LCE2C: variants seen among roughly 807,000 people sequenced by gnomAD.
LCE2C encodes the protein late cornified envelope 2C.
For synonymous variants in LCE2C, 57 were observed against 51.0 expected, an observed-to-expected ratio of 1.12 and a Z score of -0.50; for missense variants, 179 against 141.3, an observed-to-expected ratio of 1.27 and a Z score of -1.35.
rs199844975 is a variant in LCE2C at position 152,676,051 on chromosome 1, C to T, written c.36C>T (p.Pro12=). The T allele has an allele frequency of 5.1e-5, 82 of 1,614,030 alleles. No individual in the cohort carries two copies. The highest frequency in any genetic ancestry group is 1.3e-5 in the African/African-American group (1 of 74,908). The part of the protein sequence containing the change: ...SCQQNQQQCQ[P]PPKCPPKCTP... ...AGCAAAACCAGCAGCAGTGCCAGCC[C>T]CCTCCCAAGTGTCCTCCCAAGTGTA... Residue 12 remains proline, a synonymous_variant, in exon 2 of 2, where the codon CCC becomes CCT. Transcript: ENST00000368783.
rs2101501978 is a variant in LCE2C, at chr1:152,676,374, A to G, written c.*26A>G. Reference sequence around the variant, plus strand: ...CCTGGGCTACAGAAGAGCTCTTGGGACTGAATGGCCAAGAACCTGCTACGG... The same window carrying G: ...CCTGGGCTACAGAAGAGCTCTTGGGGCTGAATGGCCAAGAACCTGCTACGG... On this transcript the variant is annotated 3_prime_UTR_variant, in exon 2 of 2. Transcript: ENST00000368783. 4 of 1,580,274 alleles carry G rather than the reference A, an allele frequency of 2.5e-6. No homozygotes were observed. The East Asian group carries it at 9.0e-5, about 35-fold the overall frequency.
chr1:152,676,200 G>T lies in LCE2C; in HGVS notation c.185G>T (p.Gly62Val), dbSNP rs751116339. ...AGCTGCTGTGGTCCCAGCTCTGGGGGCTGCTGCAGCTCTGGGGCTGGTGGC... is the reference window on the plus strand; with the variant it reads ...AGCTGCTGTGGTCCCAGCTCTGGGGTCTGCTGCAGCTCTGGGGCTGGTGGC... ...SGSCCGPSSGGCCSSGAGGCS... is the reference protein window; with the variant it reads ...SGSCCGPSSGVCCSSGAGGCS... The change falls in exon 2 of 2, where the codon GGC (glycine) becomes GTC (valine). Residue 62 changes from glycine to valine, a missense_variant. Physicochemically the swap from Gly to Val is moderately radical, Grantham distance 109. Coordinates refer to ENST00000368783, the MANE Select transcript of LCE2C (RefSeq NM_178429.5). 2 of 1,613,946 alleles carry T rather than the reference G, an allele frequency of 1.2e-6. No homozygotes were observed. Among genetic ancestry groups the T allele is most frequent in the Non-Finnish European group, 1.7e-6 (2 of 1,180,018 alleles).
At chr1:152,675,623 G>A (rs988683977) in intron 1 of LCE2C, among the ~76,000 whole-genome samples, 8 of 152,178 alleles carry the variant, frequency 5.3e-5, no homozygotes, top group African/African-American at 1.7e-4. Flanking sequence ...TTCAAGCCAG[G>A]CTCTTTTATC....
intron 1 of LCE2C, 131 bp from the exon 2 acceptor site, chr1:152,675,863 GT>G: frequency 9.1e-7 from 1 of 1,102,436 alleles, no homozygotes; most frequent in Middle Eastern, 2.5e-4. Context: ...GATTCAAGTT[GT>G]TTCTTTCAGG....
At position 152,676,304 on chromosome 1, in the gene LCE2C, T is replaced by C; in HGVS notation, c.289T>C (p.Ser97Pro). 1 of 1,613,176 alleles carries C rather than the reference T, an allele frequency of 6.2e-7. No homozygotes were observed. The highest frequency in any genetic ancestry group is 1.1e-5 in the South Asian group (1 of 90,980). ...CCCCGACTGCTGTGAGAGTGAACCT[T>C]CTGGGGGCTCTGGCTGCTGCCACAG... ...QSPDCCESEP[S>P]GGSGCCHSSG... is the part of the protein sequence containing the mutation. Residue 97 changes from serine to proline, a missense_variant, in exon 2 of 2, where the codon TCT becomes CCT. By Grantham distance (74) the Ser-to-Pro change is moderately conservative. Coordinates refer to ENST00000368783, the MANE Select transcript of LCE2C (RefSeq NM_178429.5).
At position 152,676,135 on chromosome 1, in the gene LCE2C, T is replaced by C. The variant is rs756272262; in HGVS notation, c.120T>C (p.Cys40=). 8 of 1,614,182 alleles carry C rather than the reference T, an allele frequency of 5.0e-6. No homozygotes were observed. In the East Asian group the frequency reaches 8.9e-5, roughly 18 times the overall value. The change falls in exon 2 of 2, where the codon TGT becomes TGC. Residue 40 remains cysteine (C), a synonymous_variant. Coordinates refer to ENST00000368783, the MANE Select transcript of LCE2C (RefSeq NM_178429.5). ...PKCPPQCPAP[C]FPAVSSCCGP... Reference sequence around the variant, plus strand: ...GCCCACCACAGTGCCCAGCTCCATGTTTCCCTGCAGTCTCTTCTTGCTGTG... The same window carrying C: ...GCCCACCACAGTGCCCAGCTCCATGCTTCCCTGCAGTCTCTTCTTGCTGTG...
In LCE2C at chr1:152,676,321, C is replaced by T; in HGVS notation, c.306C>T (p.Cys102=). ...GTGAACCTTCTGGGGGCTCTGGCTG[C>T]TGCCACAGCTCTGGGGGCTGCTGCT... ...CESEPSGGSG[C]CHSSGGCC Residue 102 remains cysteine (C), a synonymous_variant, in exon 2 of 2, where the codon TGC becomes TGT. Coordinates refer to ENST00000368783, the MANE Select transcript of LCE2C (RefSeq NM_178429.5). 1 of 1,612,286 alleles carries T rather than the reference C, an allele frequency of 6.2e-7. No individual in the cohort carries two copies. The highest frequency in any genetic ancestry group is 1.1e-5 in the South Asian group (1 of 90,778).
At position 152,676,498 on chromosome 1, in the gene LCE2C, G is replaced by A. The variant is rs977732934; in HGVS notation, c.*150G>A. ...TTCCTGGAAGAACTTCGTGCTTGAT[G>A]TAACACCCCAATTGCAAGTCTTCTT... On this transcript the variant is annotated 3_prime_UTR_variant, in exon 2 of 2. Transcript: ENST00000368783. 9 of 1,055,974 alleles carry A rather than the reference G, an allele frequency of 8.5e-6. No homozygotes were observed. Among genetic ancestry groups the A allele is most frequent in the Non-Finnish European group, 1.2e-5 (9 of 740,806 alleles). The allele number at this position is 1,055,974 out of a possible 1,614,324, so 65.4% of individuals were successfully genotyped here.
chr1:152,675,891 A>G, intron 1 of LCE2C, 104 bp from the exon 2 acceptor site: 2 of 1,301,226 alleles, frequency 1.5e-6, no homozygotes, highest in African/African-American at 1.5e-5. Flanking sequence ...ATGTGATTGT[A>G]TTATCTAAAT....
Position 152,676,273 on chromosome 1 carries a change from C to A in LCE2C, c.258C>A (p.His86Gln), listed in dbSNP as rs762372565. 2 of 1,613,918 alleles carry A rather than the reference C, an allele frequency of 1.2e-6. No individual in the cohort carries two copies. The highest frequency in any genetic ancestry group is 1.7e-6 in the Non-Finnish European group (2 of 1,179,978). ...HRPRLFHRRRHQSPDCCESEP... is the reference protein window; with the variant it reads ...HRPRLFHRRRQQSPDCCESEP... ...CCCGTCTCTTCCACCGGCGCCGGCA[C>A]CAGAGCCCCGACTGCTGTGAGAGTG... The change falls in exon 2 of 2, where the codon CAC becomes CAA. Residue 86 changes from histidine (H) to glutamine (Q), a missense_variant. His to Gln is a conservative substitution (Grantham distance 24). Coordinates refer to ENST00000368783, the MANE Select transcript of LCE2C (RefSeq NM_178429.5).
rs373855134 is a variant in LCE2C, at chr1:152,676,122, GC to G, written c.110del (p.Pro37GlnfsTer37). On this transcript the variant is annotated frameshift_variant, in exon 2 of 2. Transcript: ENST00000368783. LOFTEE classifies it low-confidence loss of function (END_TRUNC). The part of the protein sequence containing the change: ...PKCPPKCPPQ[C>X]PAPCFPAVSS... ...TGTCCCCCCAAATGCCCACCACAGT[GC>G]CCAGCTCCATGTTTCCCTGCAGTCT... 28 of 1,613,980 alleles carry G rather than the reference GC, an allele frequency of 1.7e-5. No individual in the cohort carries two copies. In the African/African-American group the frequency reaches 2.3e-4, roughly 13 times the overall value.
In LCE2C at chr1:152,676,143, C is replaced by A. The variant is rs142388668; in HGVS notation, c.128C>A (p.Ala43Glu). The change falls in exon 2 of 2, where the codon GCA becomes GAA. Residue 43 changes from alanine to glutamate, a missense_variant. Physicochemically the swap from Ala to Glu is moderately radical, Grantham distance 107. Transcript: ENST00000368783. The part of the protein sequence containing the change: ...PPQCPAPCFP[A>E]VSSCCGPSSG... ...CAGTGCCCAGCTCCATGTTTCCCTGCAGTCTCTTCTTGCTGTGGTCCCAGC... is the reference window on the plus strand; with the variant it reads ...CAGTGCCCAGCTCCATGTTTCCCTGAAGTCTCTTCTTGCTGTGGTCCCAGC... 50 of 1,614,222 alleles carry A rather than the reference C, an allele frequency of 3.1e-5. No individual in the cohort carries two copies. The African/African-American group carries it at 5.5e-4, about 18-fold the overall frequency.
rs748071194 is a variant in LCE2C at position 152,676,266 on chromosome 1, G to A, written c.251G>A (p.Arg84His). ...CACAGGCCCCGTCTCTTCCACCGGC[G>A]CCGGCACCAGAGCCCCGACTGCTGT... ...SHHRPRLFHR[R>H]RHQSPDCCES... Residue 84 changes from arginine to histidine, a missense_variant, in exon 2 of 2, where the codon CGC (arginine) becomes CAC (histidine). Arg to His is a conservative substitution (Grantham distance 29). Coordinates refer to ENST00000368783, the MANE Select transcript of LCE2C (RefSeq NM_178429.5). 1.2e-5 allele frequency: 20 copies of A among 1,613,668 alleles called. No homozygotes were observed. In the East Asian group the frequency reaches 2.0e-4, roughly 16 times the overall value.
rs1451555852 is a variant in LCE2C at position 152,676,076 on chromosome 1, A to G, written c.61A>G (p.Thr21Ala). Reference sequence around the variant, plus strand: ...CCCTCCCAAGTGTCCTCCCAAGTGTACCCCAAAATGTCCACCTAAGTGTCC... The same window carrying G: ...CCCTCCCAAGTGTCCTCCCAAGTGTGCCCCAAAATGTCCACCTAAGTGTCC... ...QPPPKCPPKC[T>A]PKCPPKCPPK... The change falls in exon 2 of 2, where the codon ACC becomes GCC. Residue 21 changes from threonine (T) to alanine (A), a missense_variant. By Grantham distance (58) the Thr-to-Ala change is moderately conservative. Coordinates refer to ENST00000368783, the MANE Select transcript of LCE2C (RefSeq NM_178429.5). 11 of 1,614,098 alleles carry G rather than the reference A, an allele frequency of 6.8e-6. No homozygotes were observed. Among genetic ancestry groups the G allele is most frequent in the Non-Finnish European group, 9.3e-6 (11 of 1,180,018 alleles).
rs748071194 is a variant in LCE2C, at chr1:152,676,266, G to T, written c.251G>T (p.Arg84Leu). The T allele has an allele frequency of 6.2e-7, 1 of 1,613,668 alleles. No individual in the cohort carries two copies. Among genetic ancestry groups the T allele is most frequent in the South Asian group, 1.1e-5 (1 of 91,044 alleles). The change falls in exon 2 of 2, where the codon CGC becomes CTC. Residue 84 changes from arginine to leucine, a missense_variant. Transcript: ENST00000368783. Reference protein sequence around the residue: ...SHHRPRLFHRRRHQSPDCCES... With the variant: ...SHHRPRLFHRLRHQSPDCCES... ...CACAGGCCCCGTCTCTTCCACCGGC[G>T]CCGGCACCAGAGCCCCGACTGCTGT...
Position 152,676,114 on chromosome 1 carries a change from AC to A in LCE2C, c.101del (p.Pro34HisfsTer40). ...CACCTAAGTGTCCCCCCAAATGCCC[AC>A]CACAGTGCCCAGCTCCATGTTTCCC... is the stretch of plus-strand genomic sequence containing the variant. The part of the protein sequence containing the change: ...CPPKCPPKCP[P>X]QCPAPCFPAV... On this transcript the variant is annotated frameshift_variant, in exon 2 of 2. Coordinates refer to ENST00000368783, the MANE Select transcript of LCE2C (RefSeq NM_178429.5). LOFTEE classifies it low-confidence loss of function (END_TRUNC). 6.2e-7 allele frequency: 1 copy of A among 1,614,048 alleles called. No individual in the cohort carries two copies. The highest frequency in any genetic ancestry group is 8.5e-7 in the Non-Finnish European group (1 of 1,180,002).
chr1:152,676,145 G>T lies in LCE2C; in HGVS notation c.130G>T (p.Val44Phe). ...GTGCCCAGCTCCATGTTTCCCTGCA[G>T]TCTCTTCTTGCTGTGGTCCCAGCTC... is the stretch of plus-strand genomic sequence containing the variant. ...PQCPAPCFPA[V>F]SSCCGPSSGS... is the part of the protein sequence containing the mutation. The change falls in exon 2 of 2, where the codon GTC becomes TTC. Residue 44 changes from valine (V) to phenylalanine (F), a missense_variant. Coordinates refer to ENST00000368783, the MANE Select transcript of LCE2C (RefSeq NM_178429.5). 6.2e-7 allele frequency: 1 copy of T among 1,614,156 alleles called. No homozygotes were observed. Among genetic ancestry groups the T allele is most frequent in the Non-Finnish European group, 8.5e-7 (1 of 1,180,032 alleles).
Sources: gnomAD v4.1 joint callset for allele counts (sites outside exome capture counted in the v4.1 genomes callset) on GRCh38, gnomAD v4.1.1 for gene constraint, MANE v1.5 for transcripts, NCBI Gene and HGNC (gene_info 2026-07-23, HGNC 2026-07-21) for gene names.